The following PTPRD variants were observed in gnomAD, a reference collection of about 807,000 sequenced individuals.
The protein encoded by PTPRD is protein tyrosine phosphatase receptor type D, also known as receptor-type tyrosine-protein phosphatase delta.
PTPRD carries 34 observed loss-of-function variants against 214.5 expected under a neutral mutation model. The ratio of observed to expected loss-of-function variants is 0.16; its 90% CI spans 0.12 to 0.21. PTPRD has a LOEUF of 0.21. Among genes scored for constraint, PTPRD ranks in the 10% least tolerant of loss-of-function variants. The pLI, the probability that PTPRD is intolerant of heterozygous loss-of-function variation, is 1.00. For synonymous variants in PTPRD, 1,128 were observed against 845.7 expected (o/e 1.33, Z -5.79); for missense variants, 2,545 against 2,398.7 (o/e 1.06, Z -1.27).
intron 35 of PTPRD, among the ~76,000 whole-genome samples, chr9:8,424,217 T>A (rs1304847072): frequency 6.6e-6 from 1 of 152,160 alleles, no homozygotes; most frequent in Non-Finnish European, 1.5e-5. Flanking sequence ...CTGACTACTA[T>A]GTGATCACCT....
At chr9:9,087,158 C>A (rs1227977375) in intron 10 of PTPRD, among the ~76,000 whole-genome samples, 2 of 152,014 alleles carry the variant, frequency 1.3e-5, no homozygotes, top group Non-Finnish European at 2.9e-5. Flanking sequence ...TCCAACATTA[C>A]TTAAGGTAAA....
intron 3 of PTPRD, among the ~76,000 whole-genome samples, chr9:10,307,541 T>C (rs954727669): frequency 6.6e-6 from 1 of 152,090 alleles, no homozygotes; most frequent in African/African-American, 2.4e-5. Flanking sequence ...AGATATCTCT[T>C]TAATATATGG....
intron 3 of PTPRD, among the ~76,000 whole-genome samples, chr9:10,133,494 G>C (rs540443923): frequency 1.3e-5 from 2 of 151,954 alleles, no homozygotes; most frequent in Non-Finnish European, 2.9e-5. Context: ...ATACCTGTAC[G>C]TTATATATAA....
At chr9:9,215,443 A>G (rs1210993664) in intron 9 of PTPRD, among the ~76,000 whole-genome samples, 1 of 152,194 alleles carries the variant, frequency 6.6e-6, no homozygotes, top group East Asian at 1.9e-4. Flanking sequence ...ATCAAATGTG[A>G]TAATTTATAT....
intron 5 of PTPRD, chr9:9,799,629 T>C (rs1487345724): frequency 1.3e-5 from 2 of 152,130 alleles, no homozygotes; most frequent in African/African-American, 2.4e-5. Context: ...CATTTGCTAA[T>C]GCTAAAATTC....
At chr9:8,601,696 C>T (rs1218503501) in intron 14 of PTPRD, among the ~76,000 whole-genome samples, 1 of 152,186 alleles carries the variant, frequency 6.6e-6, no homozygotes, top group African/African-American at 2.4e-5. Context: ...TGGGATGCTA[C>T]TGATGGCAGT....
At chr9:8,930,706 G>C (rs11534140) in intron 11 of PTPRD, among the ~76,000 whole-genome samples, 54,657 of 152,012 alleles carry the variant, frequency 0.36, 9,910 homozygotes, top group Middle Eastern at 0.41. Context: ...TTTCTCTGAT[G>C]GCCAGTGATG....
chr9:9,982,581 G>A (rs981035145), intron 4 of PTPRD, among the ~76,000 whole-genome samples: 3 of 151,156 alleles, frequency 2.0e-5, no homozygotes, highest in African/African-American at 7.3e-5. Context: ...TCCCTCCTGA[G>A]GTAAGTTTCT....
intron 3 of PTPRD, among the ~76,000 whole-genome samples, chr9:10,214,064 T>C (rs576298295): frequency 2.1e-4 from 32 of 152,256 alleles, no homozygotes; most frequent in African/African-American, 7.2e-4. Flanking sequence ...CCCTCATATA[T>C]GTAAAAGAAG....
intron 44 of PTPRD, among the ~76,000 whole-genome samples, chr9:8,331,193 T>C (rs1007083301): frequency 1.2e-4 from 18 of 152,026 alleles, no homozygotes; most frequent in African/African-American, 4.4e-4. Flanking sequence ...ATTTATTTGA[T>C]AGCTATTCAT....
intron 4 of PTPRD, among the ~76,000 whole-genome samples, chr9:9,946,324 G>A (rs1430761849): frequency 6.6e-6 from 1 of 152,120 alleles, no homozygotes; most frequent in Non-Finnish European, 1.5e-5. Flanking sequence ...AATTAATCAT[G>A]TTACAATAAG....
chr9:8,321,262 A>G (rs1398475526), intron 44 of PTPRD, among the ~76,000 whole-genome samples: 1 of 151,696 alleles, frequency 6.6e-6, no homozygotes. Flanking sequence ...GCCAGAGTCT[A>G]TCTTACCTTG....
chr9:8,998,165 T>C (rs1310775705), intron 11 of PTPRD, among the ~76,000 whole-genome samples: 1 of 152,118 alleles, frequency 6.6e-6, no homozygotes, highest in Non-Finnish European at 1.5e-5. Flanking sequence ...GTGGCTACAT[T>C]ACACAACAGA....
intron 44 of PTPRD, among the ~76,000 whole-genome samples, chr9:8,321,210 T>C (rs1302785575): frequency 6.6e-6 from 1 of 151,914 alleles, no homozygotes; most frequent in Non-Finnish European, 1.5e-5. Flanking sequence ...TTTATTATCT[T>C]TTTGTTGAAT....
intron 3 of PTPRD, among the ~76,000 whole-genome samples, chr9:10,089,247 A>C (rs1323828829): frequency 2.0e-5 from 3 of 151,286 alleles, no homozygotes; most frequent in Non-Finnish European, 3.0e-5. Context: ...ATAGAAATAA[A>C]ATGATGAATT....
intron 10 of PTPRD, among the ~76,000 whole-genome samples, chr9:9,105,821 A>T (rs1007163170): frequency 6.6e-6 from 1 of 152,166 alleles, no homozygotes; most frequent in Non-Finnish European, 1.5e-5. Context: ...TTGGGGTCTG[A>T]ACTTTTATAT....
intron 2 of PTPRD, among the ~76,000 whole-genome samples, chr9:10,371,980 T>C (rs16925896): frequency 0.03 from 4,609 of 152,088 alleles, 123 homozygotes; most frequent in East Asian, 0.095. Flanking sequence ...GATGTGATGC[T>C]AATGGCTAAC....
At chr9:9,252,180 G>C (rs2099975747) in intron 9 of PTPRD, among the ~76,000 whole-genome samples, 1 of 151,930 alleles carries the variant, frequency 6.6e-6, no homozygotes, top group Non-Finnish European at 1.5e-5. Context: ...ATTTTGAGCT[G>C]ATTATTTTGG....
At chr9:9,771,163 C>T (rs1403087577) in intron 5 of PTPRD, among the ~76,000 whole-genome samples, 2 of 152,044 alleles carry the variant, frequency 1.3e-5, no homozygotes, top group Admixed American at 6.6e-5. Flanking sequence ...TTCTTTTTCC[C>T]ACCTTTATTA....
Sources: gnomAD v4.1 joint callset for allele counts (sites outside exome capture counted in the v4.1 genomes callset) on GRCh38, gnomAD v4.1.1 for gene constraint, MANE v1.5 for transcripts, NCBI Gene and HGNC (gene_info 2026-07-23, HGNC 2026-07-21) for gene names.